VPS9D1: variants seen among roughly 807,000 people sequenced by gnomAD.
The protein encoded by VPS9D1 is VPS9 domain-containing protein 1.
In VPS9D1, 78 loss-of-function variants were observed where a neutral mutation model predicts 75.8. That is an observed-to-expected ratio of 1.03 (90% CI 0.86 to 1.24). VPS9D1 has a LOEUF of 1.24. VPS9D1 is among the 50% of genes most tolerant of loss of function. VPS9D1 has a pLI of 0.00. For synonymous variants in VPS9D1, 481 were observed against 385.6 expected (o/e 1.25, Z -2.90); for missense variants, 1,057 against 847.7 (o/e 1.25, Z -3.07).
Position 89,712,445 on chromosome 16 carries a change from G to C in VPS9D1, c.606+15C>G. 1 of 1,612,640 alleles carries C rather than the reference G, an allele frequency of 6.2e-7. No homozygotes were observed. Among genetic ancestry groups the C allele is most frequent in the Non-Finnish European group, 8.5e-7 (1 of 1,179,984 alleles). ...GTTTCCCCTCGGGGACCACCAGGGC[G>C]GTCAGAAAGGCTGCTGTCTCCTCCC... is the stretch of plus-strand genomic sequence containing the variant. On this transcript the variant is annotated intron_variant, in intron 6 of 14. Coordinates refer to ENST00000389386, the MANE Select transcript of VPS9D1 (RefSeq NM_004913.3).
chr16:89,719,455 G>A, intron 1 of VPS9D1: 2 of 436,742 alleles, frequency 4.6e-6, no homozygotes, highest in Non-Finnish European at 9.1e-6. Flanking sequence ...GCAGTTTGCT[G>A]TCATTTTTCA....
chr16:89,713,745 A>C (rs2060996270), intron 4 of VPS9D1, among the ~76,000 whole-genome samples: 1 of 150,978 alleles, frequency 6.6e-6, no homozygotes, highest in Admixed American at 6.6e-5. Context: ...ACGGTGGCTC[A>C]CGCCTGTAAT....
chr16:89,711,579 G>T, intron 8 of VPS9D1, 167 bp from the exon 9 acceptor site: 1 of 237,368 alleles, frequency 4.2e-6, no homozygotes, highest in Non-Finnish European at 7.0e-6. Flanking sequence ...ACCCACACCC[G>T]AGGGAAACCT....
intron 5 of VPS9D1, 28 bp downstream of exon 5, chr16:89,712,577 C>T (rs368533040): frequency 8.7e-6 from 14 of 1,608,812 alleles, no homozygotes; most frequent in Non-Finnish European, 1.2e-5. Flanking sequence ...GCCCACGCAC[C>T]CCCAGGCCCT....
intron 10 of VPS9D1, among the ~76,000 whole-genome samples, chr16:89,710,353 G>A (rs1346842189): frequency 1.3e-5 from 2 of 152,074 alleles, no homozygotes; most frequent in Admixed American, 6.6e-5. Context: ...TGGGAGGCCG[G>A]GGTGGGCAGA....
chr16:89,710,330 A>C (rs2060886381), intron 10 of VPS9D1, among the ~76,000 whole-genome samples: 1 of 152,084 alleles, frequency 6.6e-6, no homozygotes, highest in Admixed American at 6.5e-5. Context: ...TCATGCTTGT[A>C]ATCCCAGCAC....
At chr16:89,712,159 C>T in intron 6 of VPS9D1, 60 bp from the exon 7 acceptor site, 21 of 1,544,996 alleles carry the variant, frequency 1.4e-5, no homozygotes, top group Non-Finnish European at 1.8e-5. Context: ...TTCCCAACCC[C>T]GTCCCACACC....
At chr16:89,714,702 C>T (rs142900683) in intron 4 of VPS9D1, among the ~76,000 whole-genome samples, 2 of 152,296 alleles carry the variant, frequency 1.3e-5, no homozygotes, top group Non-Finnish European at 2.9e-5. Flanking sequence ...AACTGTCTGC[C>T]ATTCTAACTT....
chr16:89,708,870 C>G lies in VPS9D1; in HGVS notation c.1684G>C (p.Ala562Pro), dbSNP rs189851075. ...ATPQAGPPPIAAAAIGADDLL... is the reference protein window; with the variant it reads ...ATPQAGPPPIPAAAIGADDLL... Reference sequence around the variant, plus strand: ...CCTGGGACTCACATGGCAGCTGCAGCGATGGGCGGGGGCCCGGCCTGGGGT... The same window carrying G: ...CCTGGGACTCACATGGCAGCTGCAGGGATGGGCGGGGGCCCGGCCTGGGGT... The change falls in exon 13 of 15, where the codon GCT becomes CCT. Residue 562 changes from alanine (A) to proline (P), a missense_variant. Transcript: ENST00000389386. The G allele has an allele frequency of 1.9e-6, 3 of 1,582,094 alleles. No individual in the cohort carries two copies. Among genetic ancestry groups the G allele is most frequent in the Non-Finnish European group, 2.6e-6 (3 of 1,171,188 alleles).
intron 1 of VPS9D1, chr16:89,720,483 C>T (rs2061227684): frequency 9.0e-7 from 1 of 1,112,266 alleles, no homozygotes; most frequent in African/African-American, 1.6e-5. Flanking sequence ...CTGGCGGACC[C>T]TCCTGCTACA....
rs915037968 is a variant in VPS9D1, at chr16:89,717,826, C to G, written c.176-1004G>C. 2.2e-5 allele frequency: 10 copies of G among 456,606 alleles called. No homozygotes were observed. The Admixed American group carries it at 2.3e-4, about 11-fold the overall frequency. The allele number at this position is 456,606 out of a possible 1,614,324, so 28.3% of individuals were successfully genotyped here. ...TAGGGAGCTGGGGCAACTGTTAGCT[C>G]CCCCTGACCTGTGTGATCCTACGTC... On this transcript the variant is annotated intron_variant, in intron 2 of 14. Transcript: ENST00000389386.
chr16:89,711,149 C>A, intron 9 of VPS9D1, 139 bp from the exon 10 acceptor site: 1 of 1,200,200 alleles, frequency 8.3e-7, no homozygotes, highest in Non-Finnish European at 1.1e-6. Context: ...GCCCCCCGCC[C>A]CCGCTGGGGA....
chr16:89,710,564 C>G, intron 10 of VPS9D1, 22 bp downstream of exon 10: 1 of 1,572,954 alleles, frequency 6.4e-7, no homozygotes, highest in East Asian at 2.3e-5. Flanking sequence ...CGGCGGCTCT[C>G]CCAGGGAGGG....
intron 14 of VPS9D1, among the ~76,000 whole-genome samples, 167 bp from the exon 15 acceptor site, chr16:89,708,121 G>C (rs2060832003): frequency 6.6e-6 from 1 of 152,228 alleles, no homozygotes; most frequent in African/African-American, 2.4e-5. Context: ...CACCCACTAT[G>C]TGCTCGTCCT....
Position 89,712,256 on chromosome 16 carries a change from C to G in VPS9D1, c.607-157G>C, listed in dbSNP as rs1334683405. 10 of 1,350,378 alleles carry G rather than the reference C, an allele frequency of 7.4e-6. No individual in the cohort carries two copies. The Admixed American group carries it at 2.1e-4, about 28-fold the overall frequency. 83.6% of individuals were successfully genotyped at this position (1,350,378 alleles called of 1,614,324 possible). On this transcript the variant is annotated intron_variant, in intron 6 of 14. Transcript: ENST00000389386. ...TCTGGGGCAGAAGGCAGCCTGCGCTCAAGCCAGGAGGGCCGGGCCAGAGAA... is the reference window on the plus strand; with the variant it reads ...TCTGGGGCAGAAGGCAGCCTGCGCTGAAGCCAGGAGGGCCGGGCCAGAGAA...
chr16:89,712,553 C>A (rs2060959433), intron 5 of VPS9D1, 31 bp from the exon 6 acceptor site: 2 of 1,609,516 alleles, frequency 1.2e-6, no homozygotes, highest in African/African-American at 2.7e-5. Context: ...AAGGCCGACT[C>A]CCCTCTGCCC....
intron 1 of VPS9D1, among the ~76,000 whole-genome samples, chr16:89,720,154 T>C (rs1017765615): frequency 6.6e-6 from 1 of 152,134 alleles, no homozygotes; most frequent in African/African-American, 2.4e-5. Context: ...AAAACCAACT[T>C]GGGGAAAGCA....
Position 89,708,421 on chromosome 16 carries a change from G to T in VPS9D1, c.1802+6C>A. On this transcript the variant is annotated splice_donor_region_variant and intron_variant, in intron 14 of 14. Transcript: ENST00000389386. ...GAGACCCCCACCCTGACCCGCCAGG[G>T]TCTACCCCTCGTGGATGAACTCCTC... 6.2e-7 allele frequency: 1 copy of T among 1,609,666 alleles called. No homozygotes were observed. Among genetic ancestry groups the T allele is most frequent in the Non-Finnish European group, 8.5e-7 (1 of 1,178,610 alleles).
At chr16:89,712,221 A>G in intron 6 of VPS9D1, 122 bp from the exon 7 acceptor site, 1 of 1,437,338 alleles carries the variant, frequency 7.0e-7, no homozygotes. Flanking sequence ...GGCTGTCCCC[A>G]GGTAAGGCTT....
Sources: allele counts gnomAD v4.1 joint callset (sites outside exome capture counted in the v4.1 genomes callset), GRCh38; gene constraint gnomAD v4.1.1; transcripts MANE v1.5; gene names NCBI Gene and HGNC (gene_info 2026-07-23, HGNC 2026-07-21).